Variants in KSR2 observed in about 807,000 individuals in gnomAD.
The protein encoded by KSR2 is kinase suppressor of ras 2.
Under a neutral mutation model 107.8 loss-of-function variants are expected in KSR2, and 25 were observed. The ratio of observed to expected loss-of-function variants is 0.23; its 90% CI spans 0.17 to 0.32. The LOEUF is 0.32. Among genes scored for constraint, KSR2 ranks in the 10% least tolerant of loss-of-function variants. The pLI is 1.00. For missense variants in KSR2, 887 were observed against 1,268.9 expected (o/e 0.70, Z 4.57); for synonymous variants, 480 against 507.0 (o/e 0.95, Z 0.71).
intron 14 of KSR2, among the ~76,000 whole-genome samples, chr12:117,491,020 G>A (rs1234377837): frequency 6.6e-6 from 1 of 151,956 alleles, no homozygotes; most frequent in Non-Finnish European, 1.5e-5. Flanking sequence ...TAGATCTCTT[G>A]AACTTATTCC....
Position 117,740,086 on chromosome 12 carries a change from C to A in KSR2, c.986+20925G>T, listed in dbSNP as rs539931680. The stretch of plus-strand genomic sequence containing the variant: ...CTTTTATCCCTCAGTGGCCCCCCAC[C>A]CTTCCTTCCCGAGTCCCAAAAGTTC... On this transcript the variant is annotated intron_variant, in intron 4 of 19. Coordinates refer to ENST00000339824, the MANE Select transcript of KSR2 (RefSeq NM_173598.6). Among the ~76,000 whole-genome samples the A allele has an allele frequency of 2.0e-5, 3 of 151,306 alleles. No homozygotes were observed. The East Asian group carries it at 5.8e-4, about 29-fold the overall frequency.
Position 117,563,020 on chromosome 12 carries a change from C to A in KSR2, c.1326-4447G>T, listed in dbSNP as rs143028137. ...ACTCTGGAGACAGAGGGAAGAGGGACCACAGCAAGGTTTTGCAAAGCACAC... is the reference window on the plus strand; with the variant it reads ...ACTCTGGAGACAGAGGGAAGAGGGAACACAGCAAGGTTTTGCAAAGCACAC... On this transcript the variant is annotated intron_variant, in intron 7 of 19. Coordinates refer to ENST00000339824, the MANE Select transcript of KSR2 (RefSeq NM_173598.6). Among the ~76,000 whole-genome samples, 823 of 152,224 alleles carry A rather than the reference C, an allele frequency of 5.4e-3. 4 individuals carry two copies. The highest frequency in any genetic ancestry group is 0.019 in the African/African-American group (790 of 41,528).
intron 4 of KSR2, among the ~76,000 whole-genome samples, chr12:117,728,335 G>C (rs1433798046): frequency 6.6e-6 from 1 of 152,188 alleles, no homozygotes; most frequent in Non-Finnish European, 1.5e-5. Flanking sequence ...ATGAGAAAAA[G>C]ACCAACACAC....
chr12:117,794,903 C>T (rs1890568029), intron 3 of KSR2, among the ~76,000 whole-genome samples: 1 of 152,190 alleles, frequency 6.6e-6, no homozygotes, highest in Admixed American at 6.5e-5. Flanking sequence ...GGCTCTTGTC[C>T]AGAGGCGGCC....
intron 5 of KSR2, 114 bp from the exon 6 acceptor site, chr12:117,582,473 C>T: frequency 1.3e-6 from 1 of 766,682 alleles, no homozygotes; most frequent in Non-Finnish European, 2.2e-6. Context: ...TACCAGTTGC[C>T]ATCACTTGCT....
intron 1 of KSR2, among the ~76,000 whole-genome samples, chr12:117,894,830 C>G (rs939576017): frequency 5.3e-5 from 8 of 151,306 alleles, no homozygotes; most frequent in African/African-American, 1.9e-4. Context: ...TTTCCTAAGG[C>G]CTCCCCACCA....
Position 117,579,215 on chromosome 12 carries a change from G to A in KSR2, c.1242-13C>T, listed in dbSNP as rs1173752634. ...CTTGGTGGAAAACCTGTGGAAAAGA[G>A]ACAGAAAATGTTCAAGGTTAAGGAA... On this transcript the variant is annotated splice_polypyrimidine_tract_variant and intron_variant, in intron 6 of 19. Coordinates refer to ENST00000339824, the MANE Select transcript of KSR2 (RefSeq NM_173598.6). 2.5e-6 allele frequency: 4 copies of A among 1,599,140 alleles called. No individual in the cohort carries two copies. In the African/African-American group the frequency reaches 5.4e-5, roughly 21 times the overall value.
intron 1 of KSR2, among the ~76,000 whole-genome samples, chr12:117,916,024 T>A (rs970874409): frequency 8.5e-5 from 13 of 152,228 alleles, no homozygotes; most frequent in Non-Finnish European, 1.6e-4. Context: ...ATATCCTCAT[T>A]CATGCTCCTC....
intron 10 of KSR2, among the ~76,000 whole-genome samples, chr12:117,534,872 G>A (rs1308834072): frequency 6.6e-6 from 1 of 152,088 alleles, no homozygotes; most frequent in Non-Finnish European, 1.5e-5. Flanking sequence ...AGTTATGTGG[G>A]CAGCCCCTAG....
In KSR2 at chr12:117,950,749, A is replaced by AAAAAATAAT. The variant is rs1555260902; in HGVS notation, c.180+17326_180+17327insATTATTTTT. 1.1e-3 allele frequency among the ~76,000 whole-genome samples: 150 copies of AAAAAATAAT among 132,132 alleles called. 4 individuals are homozygous for AAAAAATAAT. In the South Asian group the frequency reaches 0.023, roughly 21 times the overall value. The allele number at this position is 132,132 out of a possible 152,430, so 86.7% of individuals were successfully genotyped here. A position where few individuals can be genotyped will look rare whatever the true frequency, so the allele number is the denominator to read the frequency against. On this transcript the variant is annotated intron_variant, in intron 1 of 19. Transcript: ENST00000339824. The stretch of plus-strand genomic sequence containing the variant: ...GAGCAAGACTCTGTAAAAAAAAAAA[A>AAAAAATAAT]AATAATAATAATAATAATAATGATA...
chr12:117,949,762 G>A (rs139492105), intron 1 of KSR2, among the ~76,000 whole-genome samples: 196 of 152,296 alleles, frequency 1.3e-3, no homozygotes, highest in African/African-American at 4.6e-3. Flanking sequence ...AAGGTGGAGG[G>A]AGAATTAGCT....
At chr12:117,959,728 G>C (rs1288992783) in intron 1 of KSR2, among the ~76,000 whole-genome samples, 1 of 152,010 alleles carries the variant, frequency 6.6e-6, no homozygotes, top group Admixed American at 6.6e-5. Context: ...CCCAGGAGTT[G>C]GAGACCAGCC....
At chr12:117,678,463 A>G (rs147505970) in intron 4 of KSR2, among the ~76,000 whole-genome samples, 2 of 152,032 alleles carry the variant, frequency 1.3e-5, no homozygotes, top group African/African-American at 4.8e-5. Context: ...CCTCCTCACT[A>G]TGACCCAAGA....
intron 18 of KSR2, 119 bp downstream of exon 18, chr12:117,471,072 A>AT: frequency 5.6e-6 from 7 of 1,255,044 alleles, no homozygotes; most frequent in Admixed American, 2.7e-5. Flanking sequence ...TGGAATGCAT[A>AT]TTTTTTTGGT....
At chr12:117,950,414 T>C (rs1271516131) in intron 1 of KSR2, among the ~76,000 whole-genome samples, 1 of 152,118 alleles carries the variant, frequency 6.6e-6, no homozygotes, top group Non-Finnish European at 1.5e-5. Flanking sequence ...GTAAAGTACC[T>C]TCAACTGCTA....
At chr12:117,935,003 T>A (rs1895796585) in intron 1 of KSR2, among the ~76,000 whole-genome samples, 1 of 149,870 alleles carries the variant, frequency 6.7e-6, no homozygotes, top group Non-Finnish European at 1.5e-5. Context: ...TTTTTAAAAA[T>A]TTTTTGTAGA....
chr12:117,572,284 T>C (rs573086526), intron 7 of KSR2, among the ~76,000 whole-genome samples: 1 of 152,310 alleles, frequency 6.6e-6, no homozygotes, highest in Admixed American at 6.5e-5. Flanking sequence ...GACCTTGATG[T>C]AGCACCACAG....
chr12:117,539,502 T>C (rs1876307343), intron 10 of KSR2: 1 of 495,804 alleles, frequency 2.0e-6, no homozygotes, highest in African/African-American at 2.0e-5. Flanking sequence ...AATGCTTACC[T>C]TGTGGCTGTT....
intron 3 of KSR2, among the ~76,000 whole-genome samples, chr12:117,795,841 G>C (rs919826729): frequency 1.3e-5 from 2 of 152,024 alleles, no homozygotes; most frequent in Non-Finnish European, 1.5e-5. Context: ...AAACTCCTGG[G>C]CTCAAGTGAT....
Sources: gnomAD v4.1 joint callset for allele counts (sites outside exome capture counted in the v4.1 genomes callset) on GRCh38, gnomAD v4.1.1 for gene constraint, MANE v1.5 for transcripts, NCBI Gene and HGNC (gene_info 2026-07-23, HGNC 2026-07-21) for gene names.